Variants in ADAM18 observed in about 807,000 individuals in gnomAD.
ADAM18 encodes ADAM metallopeptidase domain 18.
In ADAM18, 117 loss-of-function variants were observed where a neutral mutation model predicts 94.4. The ratio of observed to expected loss-of-function variants is 1.24; its 90% CI spans 1.07 to 1.45. The LOEUF is 1.45. Among genes scored for constraint, ADAM18 ranks in the 40% most tolerant of loss-of-function variants. ADAM18 has a pLI of 0.00. For missense variants in ADAM18, 936 were observed against 880.0 expected, an observed-to-expected ratio of 1.06 and a Z score of -0.81; for synonymous variants, 327 against 291.6, an observed-to-expected ratio of 1.12 and a Z score of -1.24.
intron 7 of ADAM18, among the ~76,000 whole-genome samples, chr8:39,635,849 A>G (rs896249688): frequency 1.3e-5 from 2 of 152,126 alleles, no homozygotes; most frequent in African/African-American, 2.4e-5. Context: ...AGAATATCCA[A>G]AAAAGACCTT....
At chr8:39,727,184 A>G (rs1471513047) in intron 19 of ADAM18, among the ~76,000 whole-genome samples, 1 of 152,188 alleles carries the variant, frequency 6.6e-6, no homozygotes, top group Non-Finnish European at 1.5e-5. Flanking sequence ...GCTGCTACAA[A>G]GGTCCCTGAA....
chr8:39,590,483 C>A (rs930841869), intron 2 of ADAM18, among the ~76,000 whole-genome samples: 2 of 152,092 alleles, frequency 1.3e-5, no homozygotes, highest in African/African-American at 4.8e-5. Flanking sequence ...CTACCTAATG[C>A]TAGATGACAA....
chr8:39,629,170 T>A (rs1378211330), intron 6 of ADAM18, among the ~76,000 whole-genome samples: 1 of 151,986 alleles, frequency 6.6e-6, no homozygotes, highest in Non-Finnish European at 1.5e-5. Flanking sequence ...ACTAGACCCT[T>A]ACATTACTCT....
At chr8:39,727,427 C>T (rs1242405498) in intron 19 of ADAM18, among the ~76,000 whole-genome samples, 1 of 152,180 alleles carries the variant, frequency 6.6e-6, no homozygotes, top group Admixed American at 6.5e-5. Flanking sequence ...TACTTTGCTC[C>T]CCCATCTGAT....
rs192097587 is a variant in ADAM18, at chr8:39,714,011, T to C, written c.2017+7107T>C. On this transcript the variant is annotated intron_variant, in intron 18 of 19. Transcript: ENST00000265707. ...CACACATATGTTTATTGTGGCACTA[T>C]TCACAATAGCAAAGACTTGGAACCA... Among the ~76,000 whole-genome samples, 98 of 152,242 alleles carry C rather than the reference T, an allele frequency of 6.4e-4. 1 individual carries two copies. Among genetic ancestry groups the C allele is most frequent in the African/African-American group, 2.0e-3 (82 of 41,552 alleles).
intron 12 of ADAM18, among the ~76,000 whole-genome samples, chr8:39,660,514 A>G (rs1479382022): frequency 6.6e-6 from 1 of 152,192 alleles, no homozygotes; most frequent in African/African-American, 2.4e-5. Context: ...CAAAATACTT[A>G]ATGAAAATGG....
chr8:39,655,090 T>TA (rs771468999), intron 12 of ADAM18, among the ~76,000 whole-genome samples: 10 of 151,602 alleles, frequency 6.6e-5, no homozygotes, highest in East Asian at 1.9e-4. Flanking sequence ...TAGTCTTGCT[T>TA]AAAAAAAAAC....
chr8:39,602,553 C>A (rs1349628950), intron 2 of ADAM18, among the ~76,000 whole-genome samples: 1 of 152,142 alleles, frequency 6.6e-6, no homozygotes, highest in Non-Finnish European at 1.5e-5. Flanking sequence ...CAATCTCTTG[C>A]AAAATCCCTC....
chr8:39,611,525 A>G, intron 6 of ADAM18: 1 of 985,320 alleles, frequency 1.0e-6, no homozygotes, highest in Non-Finnish European at 1.2e-6. Flanking sequence ...TTTGTAGTTC[A>G]TTATTGCCAA....
At chr8:39,589,018 C>G (rs1818490356) in intron 2 of ADAM18, among the ~76,000 whole-genome samples, 1 of 152,184 alleles carries the variant, frequency 6.6e-6, no homozygotes, top group Non-Finnish European at 1.5e-5. Context: ...AGCAGCCATT[C>G]ATGCTAGCCC....
chr8:39,680,145 T>C lies in ADAM18; in HGVS notation c.1740T>C (p.Ser580=). 6.2e-7 allele frequency: 1 copy of C among 1,613,872 alleles called. No individual in the cohort carries two copies. Among genetic ancestry groups the C allele is most frequent in the African/African-American group, 1.3e-5 (1 of 75,050 alleles). ...YSYIQDHVCV[S]IATGSSMRSD... Reference sequence around the variant, plus strand: ...ATATTCAAGACCATGTATGTGTATCTATAGCCACTGGTTCCTCCATGAGAT... The same window carrying C: ...ATATTCAAGACCATGTATGTGTATCCATAGCCACTGGTTCCTCCATGAGAT... The change falls in exon 16 of 20, where the codon TCT becomes TCC. Residue 580 remains serine, a synonymous_variant. Transcript: ENST00000265707.
At chr8:39,619,975 G>A (rs1819559913) in intron 6 of ADAM18, among the ~76,000 whole-genome samples, 1 of 152,092 alleles carries the variant, frequency 6.6e-6, no homozygotes. Context: ...TAAAGCTATA[G>A]TAACTGAAAC....
At chr8:39,677,797 T>C (rs577356519) in intron 15 of ADAM18, among the ~76,000 whole-genome samples, 58 of 152,300 alleles carry the variant, frequency 3.8e-4, no homozygotes, top group African/African-American at 1.3e-3. Flanking sequence ...TCAGAACTGC[T>C]ACTCTGTATT....
Position 39,670,522 on chromosome 8 carries a change from T to G in ADAM18, c.1525+2326T>G, listed in dbSNP as rs969151048. On this transcript the variant is annotated intron_variant, in intron 14 of 19. Coordinates refer to ENST00000265707, the MANE Select transcript of ADAM18 (RefSeq NM_014237.3). ...TCTTTTATTAAGTAAATTTAAACTT[T>G]TAAAGAAATGTTGAAATATAAGTAG... Among the ~76,000 whole-genome samples, 3 of 152,194 alleles carry G rather than the reference T, an allele frequency of 2.0e-5. No individual in the cohort carries two copies. The East Asian group carries it at 5.8e-4, about 29-fold the overall frequency.
intron 18 of ADAM18, among the ~76,000 whole-genome samples, chr8:39,715,491 C>T (rs546926983): frequency 1.3e-5 from 2 of 148,416 alleles, no homozygotes; most frequent in Non-Finnish European, 3.0e-5. Flanking sequence ...AAAAGCAAAT[C>T]AATAAAGGAA....
At chr8:39,683,088 A>G (rs1445620980) in intron 16 of ADAM18, among the ~76,000 whole-genome samples, 1 of 152,212 alleles carries the variant, frequency 6.6e-6, no homozygotes, top group African/African-American at 2.4e-5. Context: ...ACATTAGGAT[A>G]TAACAGACAG....
intron 17 of ADAM18, among the ~76,000 whole-genome samples, 158 bp from the exon 18 acceptor site, chr8:39,706,632 C>T (rs7460786): frequency 0.89 from 135,006 of 152,140 alleles, 59,983 homozygotes; most frequent in Admixed American, 0.93. Flanking sequence ...AAATTTTTAC[C>T]ACTTTTTCTA....
At chr8:39,601,382 G>A (rs1818900361) in intron 2 of ADAM18, among the ~76,000 whole-genome samples, 1 of 152,132 alleles carries the variant, frequency 6.6e-6, no homozygotes, top group Non-Finnish European at 1.5e-5. Flanking sequence ...CTCCACATTT[G>A]AGTTTTTCAT....
chr8:39,623,868 T>C (rs1819689190), intron 6 of ADAM18, among the ~76,000 whole-genome samples: 1 of 152,216 alleles, frequency 6.6e-6, no homozygotes, highest in South Asian at 2.1e-4. Context: ...AGTGCTGGGA[T>C]TATCATTATA....
Sources: gnomAD v4.1 joint callset for allele counts (sites outside exome capture counted in the v4.1 genomes callset) on GRCh38, gnomAD v4.1.1 for gene constraint, MANE v1.5 for transcripts, NCBI Gene and HGNC (gene_info 2026-07-23, HGNC 2026-07-21) for gene names.